GALNT1: variants seen among roughly 807,000 people sequenced by gnomAD.
GALNT1 encodes the protein polypeptide N-acetylgalactosaminyltransferase 1.
In GALNT1, 17 loss-of-function variants were observed where a neutral mutation model predicts 65.7. The observed-to-expected ratio is 0.26, with a 90% CI of 0.18 to 0.39. The LOEUF (loss-of-function observed/expected upper bound fraction) is 0.39. GALNT1 is among the 10% of genes least tolerant of loss of function. GALNT1 has a pLI of 1.00. For synonymous variants in GALNT1, 210 were observed against 219.7 expected (o/e 0.96, Z 0.39); for missense variants, 460 against 672.8 (o/e 0.68, Z 3.50).
intron 1 of GALNT1, among the ~76,000 whole-genome samples, chr18:35,649,005 G>A (rs2047274393): frequency 2.0e-5 from 3 of 152,150 alleles, no homozygotes; most frequent in South Asian, 2.1e-4. Flanking sequence ...TTGACATTTG[G>A]ATTGTTTCCA....
intron 1 of GALNT1, among the ~76,000 whole-genome samples, chr18:35,587,014 A>T (rs1205298587): frequency 6.6e-6 from 1 of 152,000 alleles, no homozygotes; most frequent in African/African-American, 2.4e-5. Context: ...TTTCATCAGC[A>T]TTGTGTAGTT....
intron 5 of GALNT1, among the ~76,000 whole-genome samples, chr18:35,685,484 T>TAAA (rs66682919): frequency 7.6e-6 from 1 of 132,294 alleles, no homozygotes; most frequent in African/African-American, 2.7e-5. Flanking sequence ...AAGGATGGCT[T>TAAA]AAAAAAAAAA....
At chr18:35,657,130 C>CT (rs1177800613) in intron 2 of GALNT1, among the ~76,000 whole-genome samples, 14 of 151,982 alleles carry the variant, frequency 9.2e-5, no homozygotes, top group African/African-American at 3.1e-4. Flanking sequence ...GAATGTCGCT[C>CT]TGTCACCAAG....
intron 1 of GALNT1, among the ~76,000 whole-genome samples, chr18:35,586,016 G>T (rs1403272499): frequency 6.6e-6 from 1 of 152,140 alleles, no homozygotes; most frequent in East Asian, 1.9e-4. Context: ...TGTGGCAGTT[G>T]CATGTTTAGT....
intron 2 of GALNT1, among the ~76,000 whole-genome samples, chr18:35,656,992 T>C (rs2047398707): frequency 1.3e-5 from 2 of 152,216 alleles, no homozygotes; most frequent in Admixed American, 1.3e-4. Context: ...GTGGCTTTCA[T>C]GTCTCCATGG....
Position 35,692,265 on chromosome 18 carries a change from T to G in GALNT1, c.1244T>G (p.Leu415Arg). ...CAATGCAAACCTTTTTCCTGGTACC[T>G]AGAGAATATATATCCTGATTCTCAA... is the stretch of plus-strand genomic sequence containing the variant. ...KLQCKPFSWYLENIYPDSQIP... is the reference protein window; with the variant it reads ...KLQCKPFSWYRENIYPDSQIP... Residue 415 changes from leucine to arginine, a missense_variant, in exon 9 of 12, where the codon CTA becomes CGA. Coordinates refer to ENST00000269195, the MANE Select transcript of GALNT1 (RefSeq NM_020474.4). The G allele has an allele frequency of 6.2e-7, 1 of 1,600,812 alleles. No homozygotes were observed. The highest frequency in any genetic ancestry group is 8.6e-7 in the Non-Finnish European group (1 of 1,168,504).
intron 1 of GALNT1, among the ~76,000 whole-genome samples, chr18:35,645,472 A>G (rs968484823): frequency 6.6e-6 from 1 of 151,962 alleles, no homozygotes; most frequent in African/African-American, 2.4e-5. Context: ...TGACCTCCTG[A>G]TCCGCCCGTG....
intron 2 of GALNT1, among the ~76,000 whole-genome samples, chr18:35,660,741 C>A (rs548193992): frequency 2.6e-5 from 4 of 152,276 alleles, no homozygotes; most frequent in Non-Finnish European, 4.4e-5. Context: ...TAACCACATG[C>A]ATTTCATCCA....
At position 35,643,809 on chromosome 18, in the gene GALNT1, G is replaced by GA. The variant is rs756158402; in HGVS notation, c.-103-10742dup. On this transcript the variant is annotated intron_variant, in intron 1 of 11. Transcript: ENST00000269195. ...TGAGACTGACTCAAAAAAAAAAAAAGAAAAAAAAACACATATCTACTATTC... is the reference window on the plus strand; with the variant it reads ...TGAGACTGACTCAAAAAAAAAAAAAGAAAAAAAAAACACATATCTACTATTC... 9.9e-3 allele frequency among the ~76,000 whole-genome samples: 1,445 copies of GA among 145,374 alleles called. 25 individuals are homozygous for GA. Among genetic ancestry groups the GA allele is most frequent in the East Asian group, 0.047 (233 of 4,978 alleles).
chr18:35,643,167 A>G (rs1486609905), intron 1 of GALNT1, among the ~76,000 whole-genome samples: 3 of 152,086 alleles, frequency 2.0e-5, no homozygotes, highest in African/African-American at 7.2e-5. Context: ...TAATGGTTAC[A>G]TATGTATTAA....
intron 1 of GALNT1, among the ~76,000 whole-genome samples, chr18:35,611,984 G>A (rs1308003808): frequency 6.6e-6 from 1 of 152,038 alleles, no homozygotes; most frequent in Non-Finnish European, 1.5e-5. Context: ...GCAATATAAA[G>A]TGTCCTCATT....
At chr18:35,694,386 A>G (rs2048019466) in intron 9 of GALNT1, among the ~76,000 whole-genome samples, 1 of 152,200 alleles carries the variant, frequency 6.6e-6, no homozygotes, top group Non-Finnish European at 1.5e-5. Context: ...CCAACTTAAC[A>G]CCCATTAGAA....
chr18:35,640,902 C>T (rs2047152327), intron 1 of GALNT1, among the ~76,000 whole-genome samples: 1 of 152,136 alleles, frequency 6.6e-6, no homozygotes, highest in African/African-American at 2.4e-5. Context: ...AAAAGCAAAC[C>T]TTTAACATTT....
intron 1 of GALNT1, among the ~76,000 whole-genome samples, chr18:35,654,028 A>C (rs925752889): frequency 1.3e-5 from 2 of 152,224 alleles, no homozygotes; most frequent in East Asian, 3.8e-4. Context: ...GGAGAACTCT[A>C]TTAATTCTTG....
At chr18:35,706,514 T>C (rs923416251) in intron 11 of GALNT1, among the ~76,000 whole-genome samples, 1 of 151,726 alleles carries the variant, frequency 6.6e-6, no homozygotes, top group African/African-American at 2.4e-5. Context: ...AAAATAAAAT[T>C]AAATTTTAAA....
chr18:35,701,898 G>A (rs2048170260), intron 9 of GALNT1, among the ~76,000 whole-genome samples: 1 of 152,170 alleles, frequency 6.6e-6, no homozygotes, highest in South Asian at 2.1e-4. Context: ...GATTATTACT[G>A]TCTCTGAGCC....
At chr18:35,683,296 G>A (rs1017444187) in intron 4 of GALNT1, 95 bp from the exon 5 acceptor site, 1 of 909,898 alleles carries the variant, frequency 1.1e-6, no homozygotes, top group Admixed American at 2.3e-5. Context: ...TGTTCAGTAA[G>A]GGTATGTTGA....
At chr18:35,602,259 C>T (rs533646072) in intron 1 of GALNT1, among the ~76,000 whole-genome samples, 81 of 152,232 alleles carry the variant, frequency 5.3e-4, no homozygotes, top group African/African-American at 1.8e-3. Context: ...TGCATCATGT[C>T]ATTTGCTTCT....
intron 1 of GALNT1, among the ~76,000 whole-genome samples, chr18:35,586,586 GC>G (rs2046380784): frequency 6.6e-6 from 1 of 151,972 alleles, no homozygotes; most frequent in Non-Finnish European, 1.5e-5. Flanking sequence ...AGTTTATGAA[GC>G]TGAGATTTAG....
Sources: gnomAD v4.1 joint callset for allele counts (sites outside exome capture counted in the v4.1 genomes callset) on GRCh38, gnomAD v4.1.1 for gene constraint, MANE v1.5 for transcripts, NCBI Gene and HGNC (gene_info 2026-07-23, HGNC 2026-07-21) for gene names.